Variants in STRBP observed in about 807,000 individuals in gnomAD.
The protein encoded by STRBP is spermatid perinuclear RNA-binding protein.
STRBP carries 13 observed loss-of-function variants against 80.1 expected under a neutral mutation model. The ratio of observed to expected loss-of-function variants is 0.16; its 90% CI spans 0.11 to 0.26. The LOEUF (loss-of-function observed/expected upper bound fraction) is 0.26, where lower values mean the gene tolerates loss of function less well. Among genes scored for constraint, STRBP ranks in the 10% least tolerant of loss-of-function variants. The pLI is 1.00. For synonymous variants in STRBP, 284 were observed against 291.2 expected (o/e 0.98, Z 0.25); for missense variants, 485 against 815.2 (o/e 0.59, Z 4.93).
intron 4 of STRBP, among the ~76,000 whole-genome samples, chr9:123,177,046 T>C (rs2038248873): frequency 6.6e-6 from 1 of 152,228 alleles, no homozygotes; most frequent in Non-Finnish European, 1.5e-5. Flanking sequence ...CCCATCTCTG[T>C]GTCCTTCAGA....
intron 1 of STRBP, among the ~76,000 whole-genome samples, chr9:123,257,024 T>C (rs2041047945): frequency 6.6e-6 from 1 of 152,096 alleles, no homozygotes. Context: ...AAGATAGTCC[T>C]GATAATGTCC....
At chr9:123,199,664 T>C (rs2039238637) in intron 2 of STRBP, among the ~76,000 whole-genome samples, 1 of 152,234 alleles carries the variant, frequency 6.6e-6, no homozygotes, top group East Asian at 1.9e-4. Context: ...ACTGAGTTCT[T>C]GATTTGATTC....
At chr9:123,139,710 C>A (rs757261007) in intron 13 of STRBP, 23 bp from the exon 14 acceptor site, 147 of 1,597,576 alleles carry the variant, frequency 9.2e-5, no homozygotes, top group Non-Finnish European at 1.2e-4. Flanking sequence ...CATTAAAATG[C>A]AGTTTTATTC....
chr9:123,120,311 T>C (rs2035710338), downstream of STRBP, among the ~76,000 whole-genome samples: 1 of 151,534 alleles, frequency 6.6e-6, no homozygotes, highest in Non-Finnish European at 1.5e-5. Flanking sequence ...CACAGAACCT[T>C]TCTCATTCTG....
intron 2 of STRBP, among the ~76,000 whole-genome samples, chr9:123,207,104 A>AG (rs61233416): frequency 2.0e-5 from 3 of 152,232 alleles, no homozygotes; most frequent in Non-Finnish European, 4.4e-5. Context: ...AATAAAAAAA[A>AG]CAGCTCGAGG....
At chr9:123,226,446 C>CTTATATATATAAGCTTATATATA (rs2040238958) in intron 2 of STRBP, among the ~76,000 whole-genome samples, 2 of 152,182 alleles carry the variant, frequency 1.3e-5, no homozygotes, top group Admixed American at 6.5e-5. Context: ...CACATATATA[C>CTTATATATATAAGCTTATATATA]TAAGCAGATT....
At chr9:123,208,632 A>T (rs2039604911) in intron 2 of STRBP, among the ~76,000 whole-genome samples, 1 of 152,242 alleles carries the variant, frequency 6.6e-6, no homozygotes, top group African/African-American at 2.4e-5. Context: ...CTATGATTTA[A>T]CAGTATTGCT....
Position 123,128,246 on chromosome 9 carries a change from G to A in STRBP, c.1910C>T (p.Pro637Leu). Residue 637 changes from proline to leucine, a missense_variant, in exon 18 of 19, where the codon CCA becomes CTA. Pro to Leu is a moderately conservative substitution (Grantham distance 98, BLOSUM62 -3). Around this residue, in one of 3 missense-constraint regions of STRBP, gnomAD observed 85 missense variants for 120.1 expected, o/e 0.71. Coordinates refer to ENST00000348403, the MANE Select transcript of STRBP (RefSeq NM_018387.5). Reference protein sequence around the residue: ...PGYIAPGYGTPYGYSTAAPAY... With the variant: ...PGYIAPGYGTLYGYSTAAPAY... Reference sequence around the variant, plus strand: ...AGGGGCAGCTGTGCTGTAACCATATGGTGTTCCATAGCCTAGTGCAAAGAA... The same window carrying A: ...AGGGGCAGCTGTGCTGTAACCATATAGTGTTCCATAGCCTAGTGCAAAGAA... 6.2e-7 allele frequency: 1 copy of A among 1,614,132 alleles called. No individual in the cohort carries two copies. The highest frequency in any genetic ancestry group is 1.1e-5 in the South Asian group (1 of 91,080).
At chr9:123,178,281 T>A (rs545028752) in intron 4 of STRBP, among the ~76,000 whole-genome samples, 1 of 152,324 alleles carries the variant, frequency 6.6e-6, no homozygotes, top group Admixed American at 6.5e-5. Flanking sequence ...ATTCATAGAG[T>A]ATAGTCAAAT....
At chr9:123,179,814 T>C (rs1202854803) in intron 3 of STRBP, among the ~76,000 whole-genome samples, 1 of 152,166 alleles carries the variant, frequency 6.6e-6, no homozygotes, top group Non-Finnish European at 1.5e-5. Flanking sequence ...CTTCAACAAA[T>C]GTCATCCACA....
At chr9:123,116,880 TGTG>T (rs754540000), downstream of STRBP, among the ~76,000 whole-genome samples, 20 of 152,298 alleles carry the variant, frequency 1.3e-4, 1 homozygote, top group Admixed American at 5.2e-4. Flanking sequence ...TAATTCCAGT[TGTG>T]GTGAAATTCA....
intron 6 of STRBP, 25 bp downstream of exon 6, chr9:123,169,877 T>TAC: frequency 9.0e-7 from 1 of 1,114,942 alleles, no homozygotes. Context: ...TATATACATA[T>TAC]ATATATATAT....
At chr9:123,168,606 G>A (rs186862188) in intron 6 of STRBP, among the ~76,000 whole-genome samples, 6 of 152,244 alleles carry the variant, frequency 3.9e-5, no homozygotes, top group Non-Finnish European at 4.4e-5. Context: ...TATTTACTGC[G>A]GCACTGGTAT....
chr9:123,186,821 T>C (rs112249784), intron 2 of STRBP, among the ~76,000 whole-genome samples: 5 of 55,632 alleles, frequency 9.0e-5, no homozygotes, highest in Non-Finnish European at 3.3e-4. Context: ...AGTTTTTCTT[T>C]TTTTAAAAAA....
chr9:123,228,295 G>A (rs144513506), intron 2 of STRBP, among the ~76,000 whole-genome samples: 123 of 152,288 alleles, frequency 8.1e-4, no homozygotes, highest in African/African-American at 2.8e-3. Flanking sequence ...AAAAAGAAGA[G>A]ATCTAGGTTA....
At position 123,267,275 on chromosome 9, in the gene STRBP, T is replaced by A. The variant is rs1018871715; in HGVS notation, c.-302+1161A>T. Among the ~76,000 whole-genome samples, 4 of 151,360 alleles carry A rather than the reference T, an allele frequency of 2.6e-5. 1 individual carries two copies. The highest frequency in any genetic ancestry group is 9.7e-5 in the African/African-American group (4 of 41,130). Reference sequence around the variant, plus strand: ...CTCTTGCTGATCCCACCTTCTTCCATACTTCCTGCATAAACACCCTCCATT... The same window carrying A: ...CTCTTGCTGATCCCACCTTCTTCCAAACTTCCTGCATAAACACCCTCCATT... On this transcript the variant is annotated intron_variant, in intron 1 of 18. Transcript: ENST00000348403.
intron 2 of STRBP, among the ~76,000 whole-genome samples, chr9:123,219,822 T>C (rs2040013327): frequency 6.6e-6 from 1 of 152,160 alleles, no homozygotes; most frequent in African/African-American, 2.4e-5. Flanking sequence ...AAAATTTAAA[T>C]GAGAGAAAAA....
chr9:123,240,291 A>C (rs2040664968), intron 1 of STRBP, among the ~76,000 whole-genome samples: 2 of 114,616 alleles, frequency 1.7e-5, no homozygotes, highest in South Asian at 4.5e-4. Context: ...TTTCTTCATG[A>C]AACCATTATA....
At chr9:123,151,909 T>G (rs182628789) in intron 11 of STRBP, among the ~76,000 whole-genome samples, 4 of 151,864 alleles carry the variant, frequency 2.6e-5, no homozygotes, top group African/African-American at 7.3e-5. Flanking sequence ...CCTATAAAGA[T>G]TAATAAAAAT....
Sources: allele counts gnomAD v4.1 joint callset (sites outside exome capture counted in the v4.1 genomes callset), GRCh38; gene constraint gnomAD v4.1.1; regional missense constraint gnomAD v4.1.1; transcripts MANE v1.5; gene names NCBI Gene and HGNC (gene_info 2026-07-23, HGNC 2026-07-21).